The following CALN1 variants were observed in gnomAD, a reference collection of about 807,000 sequenced individuals.
The protein encoded by CALN1 is calneuron 1, also known as calcium-binding protein 8.
Under a neutral mutation model 30.6 loss-of-function variants are expected in CALN1, and 17 were observed. The ratio of observed to expected loss-of-function variants is 0.56; its 90% CI spans 0.38 to 0.83. The LOEUF (loss-of-function observed/expected upper bound fraction) is 0.83, where lower values mean the gene tolerates loss of function less well. CALN1 is among the 40% of genes least tolerant of loss of function. The pLI, the probability that CALN1 is intolerant of heterozygous loss-of-function variation, is 0.00. For missense variants in CALN1, 291 were observed against 354.9 expected, an observed-to-expected ratio of 0.82 and a Z score of 1.45; for synonymous variants, 156 against 131.4, an observed-to-expected ratio of 1.19 and a Z score of -1.28.
At chr7:72,090,595 C>A (rs904300443) in intron 4 of CALN1, among the ~76,000 whole-genome samples, 1 of 151,960 alleles carries the variant, frequency 6.6e-6, no homozygotes, top group African/African-American at 2.4e-5. Context: ...CAACAAAAAC[C>A]CACAAAAACA....
rs201370455 is a variant in CALN1, at chr7:72,054,532, CAT to C, written c.389-30765_389-30764del. Reference sequence around the variant, plus strand: ...ATACATATATATACATATATACATACATATATATATACATATATATATATATA... The same window carrying C: ...ATACATATATATACATATATACATACATATATATACATATATATATATATA... On this transcript the variant is annotated intron_variant, in intron 4 of 6. Transcript: ENST00000395275. Among the ~76,000 whole-genome samples, 291 of 88,326 alleles carry C rather than the reference CAT, an allele frequency of 3.3e-3. 13 individuals are homozygous for C. In the Middle Eastern group the frequency reaches 0.037, roughly 11 times the overall value. The allele number at this position is 88,326 out of a possible 152,430, so 57.9% of individuals were successfully genotyped here. A position where few individuals can be genotyped will look rare whatever the true frequency, so the allele number is the denominator to read the frequency against.
intron 2 of CALN1, among the ~76,000 whole-genome samples, chr7:72,391,757 T>C (rs1805596950): frequency 6.6e-6 from 1 of 152,212 alleles, no homozygotes; most frequent in Non-Finnish European, 1.5e-5. Context: ...ATGTAAGACA[T>C]GCCTTTCACC....
rs143640847 is a variant in CALN1 at position 72,359,837 on chromosome 7, C to T, written c.119+43414G>A. On this transcript the variant is annotated intron_variant, in intron 2 of 6. Transcript: ENST00000395275. ...AAAAATACAAAAAAAATTAGCCGGA[C>T]GTGGTGGCGGGCGCCTGTAGTCCCA... Among the ~76,000 whole-genome samples, 13 of 151,856 alleles carry T rather than the reference C, an allele frequency of 8.6e-5. No homozygotes were observed. The East Asian group carries it at 1.4e-3, about 16-fold the overall frequency.
chr7:72,179,913 T>C (rs1274784128), intron 3 of CALN1, among the ~76,000 whole-genome samples: 8 of 152,176 alleles, frequency 5.3e-5, no homozygotes, highest in Non-Finnish European at 1.2e-4. Context: ...ACATAATAAT[T>C]CTCAGGATTA....
At chr7:72,383,277 T>A (rs1805019817) in intron 2 of CALN1, among the ~76,000 whole-genome samples, 1 of 152,214 alleles carries the variant, frequency 6.6e-6, no homozygotes, top group African/African-American at 2.4e-5. Context: ...GGGTCTATAT[T>A]CTGTAATGAG....
intron 2 of CALN1, among the ~76,000 whole-genome samples, chr7:72,400,687 T>C (rs549374975): frequency 1.3e-5 from 2 of 152,310 alleles, no homozygotes; most frequent in South Asian, 2.1e-4. Flanking sequence ...CTGGTCAACA[T>C]GGTGAAACCC....
intron 3 of CALN1, among the ~76,000 whole-genome samples, chr7:72,236,444 C>G (rs1794479681): frequency 6.6e-6 from 1 of 152,162 alleles, no homozygotes; most frequent in African/African-American, 2.4e-5. Flanking sequence ...CTACTGACAA[C>G]AGTCAATATG....
At chr7:72,217,454 C>T (rs1427945614) in intron 3 of CALN1, among the ~76,000 whole-genome samples, 1 of 152,184 alleles carries the variant, frequency 6.6e-6, no homozygotes, top group East Asian at 1.9e-4. Context: ...CTGGCCCTGA[C>T]ATCACCGCTT....
intron 3 of CALN1, among the ~76,000 whole-genome samples, chr7:72,225,941 C>A (rs374655160): frequency 2.0e-5 from 3 of 151,952 alleles, no homozygotes; most frequent in East Asian, 3.9e-4. Flanking sequence ...ACTAAAAATA[C>A]AAAAATTAGC....
intron 5 of CALN1, among the ~76,000 whole-genome samples, chr7:71,968,321 T>C (rs534297097): frequency 6.6e-6 from 1 of 152,290 alleles, no homozygotes; most frequent in South Asian, 2.1e-4. Context: ...TCTGTGGCAT[T>C]TTGAAAAATG....
chr7:71,948,648 T>C (rs1294196656), intron 5 of CALN1, among the ~76,000 whole-genome samples: 2 of 151,448 alleles, frequency 1.3e-5, no homozygotes, highest in African/African-American at 2.4e-5. Flanking sequence ...TGAGAATCGC[T>C]TGAACACAGG....
In CALN1 at chr7:72,155,987, C is replaced by G. The variant is rs140487326; in HGVS notation, c.245-49693G>C. On this transcript the variant is annotated intron_variant, in intron 3 of 6. Coordinates refer to ENST00000395275, the MANE Select transcript of CALN1 (RefSeq NM_031468.4). ...AAGGACCCTTGTGGTTACATTAAAC[C>G]CACTCAGATACTCCAGGAGAATCTC... Among the ~76,000 whole-genome samples, 414 of 152,256 alleles carry G rather than the reference C, an allele frequency of 2.7e-3. 2 individuals are homozygous for G. Among genetic ancestry groups the G allele is most frequent in the Admixed American group, 5.0e-3 (76 of 15,274 alleles).
chr7:72,242,141 G>C (rs1200613017), intron 3 of CALN1, among the ~76,000 whole-genome samples: 1 of 152,124 alleles, frequency 6.6e-6, no homozygotes, highest in Non-Finnish European at 1.5e-5. Flanking sequence ...TTGTCCTTTT[G>C]TGTCTGGCTT....
intron 5 of CALN1, among the ~76,000 whole-genome samples, chr7:71,890,068 C>T (rs1368520744): frequency 2.0e-5 from 3 of 151,974 alleles, no homozygotes. Context: ...CCCTTCCATT[C>T]CCTGAATGAG....
intron 5 of CALN1, among the ~76,000 whole-genome samples, chr7:71,969,979 C>T (rs375526166): frequency 7.2e-5 from 11 of 152,078 alleles, no homozygotes; most frequent in African/African-American, 2.4e-4. Context: ...CTCATGCCAC[C>T]ACTCCCAGCT....
At chr7:72,276,840 C>T (rs1797365422) in intron 3 of CALN1, among the ~76,000 whole-genome samples, 1 of 152,164 alleles carries the variant, frequency 6.6e-6, no homozygotes, top group Non-Finnish European at 1.5e-5. Flanking sequence ...CCAGAAGGTA[C>T]TATGTTGTTA....
chr7:72,411,047 C>T (rs920679965), intron 1 of CALN1, among the ~76,000 whole-genome samples: 3 of 152,116 alleles, frequency 2.0e-5, no homozygotes, highest in Admixed American at 1.3e-4. Context: ...TTTAGTAAAG[C>T]ATTAGAATAA....
At chr7:72,412,345 G>C (rs190224143), upstream of CALN1, 1 of 152,106 alleles carries the variant, frequency 6.6e-6, no homozygotes, top group Admixed American at 6.5e-5. Flanking sequence ...CTTCCCCAGC[G>C]GGCTCGGGGA....
At chr7:72,157,186 C>T (rs7787176) in intron 3 of CALN1, among the ~76,000 whole-genome samples, 114,754 of 152,146 alleles carry the variant, frequency 0.75, 43,682 homozygotes, top group East Asian at 0.96. Context: ...CATTCATTCA[C>T]TTACCCATTT....
Sources: allele counts gnomAD v4.1 joint callset (sites outside exome capture counted in the v4.1 genomes callset), GRCh38; gene constraint gnomAD v4.1.1; transcripts MANE v1.5; gene names NCBI Gene and HGNC (gene_info 2026-07-23, HGNC 2026-07-21).